Variants in ZNF385D observed in about 807,000 individuals in gnomAD.
ZNF385D encodes zinc finger protein 659.
A neutral mutation model predicts 35.8 loss-of-function variants in ZNF385D; 15 were observed. The observed-to-expected ratio is 0.42, with a 90% CI of 0.28 to 0.64. The LOEUF (loss-of-function observed/expected upper bound fraction) is 0.64. Among genes scored for constraint, ZNF385D ranks in the 30% least tolerant of loss-of-function variants. The pLI, the probability that ZNF385D is intolerant of heterozygous loss-of-function variation, is 0.23. For missense variants in ZNF385D, 474 were observed against 494.6 expected (o/e 0.96, Z 0.39); for synonymous variants, 212 against 186.8 (o/e 1.13, Z -1.10).
chr3:21,472,973 A>G (rs529297141), intron 4 of ZNF385D, among the ~76,000 whole-genome samples: 53 of 152,204 alleles, frequency 3.5e-4, no homozygotes, highest in African/African-American at 1.3e-3. Flanking sequence ...CCAAAAATCT[A>G]TTTTAAATCT....
At chr3:22,303,756 G>C (rs1297521386) in intron 2 of ZNF385D, among the ~76,000 whole-genome samples, 1 of 151,952 alleles carries the variant, frequency 6.6e-6, no homozygotes, top group Admixed American at 6.6e-5. Context: ...GAGTGTTTTT[G>C]GCATTTACTT....
chr3:21,574,912 CTTG>C (rs1370791076), intron 2 of ZNF385D, among the ~76,000 whole-genome samples: 10 of 151,770 alleles, frequency 6.6e-5, no homozygotes, highest in Middle Eastern at 3.4e-3. Flanking sequence ...CACCAAACTC[CTTG>C]TTGTTTTCTT....
chr3:21,556,034 C>A (rs968547816), intron 3 of ZNF385D, among the ~76,000 whole-genome samples: 1 of 147,734 alleles, frequency 6.8e-6, no homozygotes, highest in Non-Finnish European at 1.5e-5. Context: ...CTGTTCATAT[C>A]CTTTGCCCAC....
chr3:22,114,304 T>C (rs1442244301), intron 3 of ZNF385D, among the ~76,000 whole-genome samples: 5 of 152,110 alleles, frequency 3.3e-5, no homozygotes, highest in African/African-American at 1.2e-4. Context: ...CATTTGCATA[T>C]ATAAAATGTG....
intron 3 of ZNF385D, among the ~76,000 whole-genome samples, chr3:22,129,243 C>T (rs967025334): frequency 6.6e-6 from 1 of 152,190 alleles, no homozygotes; most frequent in African/African-American, 2.4e-5. Flanking sequence ...GTGACACAAG[C>T]ATTCCCATGG....
chr3:21,481,856 T>A lies in ZNF385D; in HGVS notation c.439+29005A>T, dbSNP rs138023133. Among the ~76,000 whole-genome samples the A allele has an allele frequency of 3.0e-3, 455 of 152,210 alleles. 1 individual carries two copies. Among genetic ancestry groups the A allele is most frequent in the African/African-American group, 0.011 (437 of 41,540 alleles). ...AATATATAACTGCTGGATAAATAGATCTAGTTCTATTTTTTGAAGTCATAA... is the reference window on the plus strand; with the variant it reads ...AATATATAACTGCTGGATAAATAGAACTAGTTCTATTTTTTGAAGTCATAA... On this transcript the variant is annotated intron_variant, in intron 4 of 7. Coordinates refer to ENST00000281523, the MANE Select transcript of ZNF385D (RefSeq NM_024697.3).
chr3:21,924,359 A>T (rs967867757), intron 3 of ZNF385D, among the ~76,000 whole-genome samples: 5 of 152,224 alleles, frequency 3.3e-5, no homozygotes, highest in African/African-American at 1.2e-4. Context: ...CTTAAGGCTG[A>T]AAAAGCCAGC....
At chr3:22,189,262 G>A (rs1217136658) in intron 2 of ZNF385D, among the ~76,000 whole-genome samples, 2 of 152,048 alleles carry the variant, frequency 1.3e-5, no homozygotes, top group South Asian at 4.1e-4. Context: ...TGCAAGTGAT[G>A]GATTAACTTC....
intron 2 of ZNF385D, among the ~76,000 whole-genome samples, chr3:21,614,605 T>C (rs941704158): frequency 6.6e-6 from 1 of 152,286 alleles, no homozygotes; most frequent in South Asian, 2.1e-4. Context: ...TTGTTTGTTT[T>C]TTTGAGATGG....
intron 1 of ZNF385D, among the ~76,000 whole-genome samples, chr3:21,719,802 A>T (rs1282827193): frequency 2.6e-5 from 4 of 152,086 alleles, no homozygotes; most frequent in Non-Finnish European, 5.9e-5. Flanking sequence ...CCCTGCAGTA[A>T]ATTACTCTAT....
intron 3 of ZNF385D, among the ~76,000 whole-genome samples, chr3:21,842,454 A>G (rs1031773841): frequency 6.6e-6 from 1 of 151,926 alleles, no homozygotes. Context: ...AATTTGACTC[A>G]TATGTGAAAG....
chr3:22,090,852 C>T (rs1287698560), intron 3 of ZNF385D, among the ~76,000 whole-genome samples: 1 of 152,146 alleles, frequency 6.6e-6, no homozygotes, highest in Admixed American at 6.5e-5. Flanking sequence ...CCTTGGCCTG[C>T]AAATCTTGTA....
At chr3:21,678,053 A>G (rs995887623) in intron 1 of ZNF385D, among the ~76,000 whole-genome samples, 3 of 151,988 alleles carry the variant, frequency 2.0e-5, no homozygotes, top group African/African-American at 7.2e-5. Flanking sequence ...AACACAACAT[A>G]CCAGTATCTA....
intron 1 of ZNF385D, among the ~76,000 whole-genome samples, chr3:21,710,515 C>T (rs1178024768): frequency 2.0e-5 from 3 of 152,098 alleles, no homozygotes; most frequent in Non-Finnish European, 2.9e-5. Context: ...GAGAATCATT[C>T]GATGCCACAA....
intron 2 of ZNF385D, among the ~76,000 whole-genome samples, chr3:21,644,983 G>A (rs1036754705): frequency 2.0e-5 from 3 of 152,160 alleles, no homozygotes; most frequent in Non-Finnish European, 4.4e-5. Flanking sequence ...CGAAATAAAA[G>A]TACTATCTGA....
chr3:21,423,881 G>A, intron 7 of ZNF385D, 82 bp downstream of exon 7: 2 of 1,337,076 alleles, frequency 1.5e-6, no homozygotes, highest in Non-Finnish European at 1.0e-6. Flanking sequence ...TGTGGTTAAA[G>A]GTGGCAAAAT....
chr3:21,876,828 C>G (rs1697999939), intron 3 of ZNF385D, among the ~76,000 whole-genome samples: 1 of 152,032 alleles, frequency 6.6e-6, no homozygotes, highest in South Asian at 2.1e-4. Context: ...AGCTACTAAG[C>G]ATTAGCTTCT....
intron 3 of ZNF385D, among the ~76,000 whole-genome samples, chr3:21,926,108 C>G (rs1448871711): frequency 6.6e-6 from 1 of 151,268 alleles, no homozygotes; most frequent in African/African-American, 2.4e-5. Flanking sequence ...ATGTAAAACC[C>G]TTGATGCAGT....
At chr3:21,557,411 A>G (rs2062780728) in intron 3 of ZNF385D, among the ~76,000 whole-genome samples, 1 of 152,106 alleles carries the variant, frequency 6.6e-6, no homozygotes, top group South Asian at 2.1e-4. Flanking sequence ...TTCTGCATCT[A>G]TTGAGATAAT....
Sources: allele counts gnomAD v4.1 joint callset (sites outside exome capture counted in the v4.1 genomes callset), GRCh38; gene constraint gnomAD v4.1.1; transcripts MANE v1.5; gene names NCBI Gene and HGNC (gene_info 2026-07-23, HGNC 2026-07-21).